Variants in NHSL1 observed in about 807,000 individuals in gnomAD.
The protein encoded by NHSL1 is NHS like 1.
A neutral mutation model predicts 95.0 loss-of-function variants in NHSL1; 48 were observed. That is an observed-to-expected ratio of 0.51 (90% CI 0.40 to 0.64). The LOEUF (loss-of-function observed/expected upper bound fraction) is 0.64. Ranked by LOEUF, NHSL1 falls within the 30% of genes least tolerant of loss-of-function variation. The pLI, the probability that NHSL1 is intolerant of heterozygous loss-of-function variation, is 0.00. For missense variants in NHSL1, 1,971 were observed against 2,077.7 expected, an observed-to-expected ratio of 0.95 and a Z score of 1.00; for synonymous variants, 783 against 833.9, an observed-to-expected ratio of 0.94 and a Z score of 1.05.
chr6:138,492,272 G>C (rs189715754), intron 2 of NHSL1, among the ~76,000 whole-genome samples: 1 of 152,246 alleles, frequency 6.6e-6, no homozygotes, highest in East Asian at 1.9e-4. Flanking sequence ...GCTTTTCTTT[G>C]TTCTCTGACT....
chr6:138,572,250 T>C (rs1783866981), exon 1 of NHSL1: 1 of 195,412 alleles, frequency 5.1e-6, no homozygotes, highest in Admixed American at 5.7e-5. Context: ...TTGTCAGGAC[T>C]TTGCAAAACA....
At chr6:138,481,958 C>T (rs1027075595) in intron 2 of NHSL1, among the ~76,000 whole-genome samples, 2 of 152,126 alleles carry the variant, frequency 1.3e-5, no homozygotes, top group South Asian at 2.1e-4. Flanking sequence ...CCAAGACTTT[C>T]TAAAAGTTCT....
At chr6:138,659,721 GT>G (rs35077038) in intron 1 of NHSL1, among the ~76,000 whole-genome samples, 44,676 of 128,040 alleles carry the variant, frequency 0.35, 5,441 homozygotes, top group East Asian at 0.47. Flanking sequence ...TTTTTTTTTT[GT>G]TTTTTTTTTT....
At chr6:138,626,835 A>C (rs1347782250) in intron 1 of NHSL1, among the ~76,000 whole-genome samples, 1 of 103,842 alleles carries the variant, frequency 9.6e-6, no homozygotes. Flanking sequence ...CGGAGCTTGC[A>C]GTGAGCCGAG....
At chr6:138,440,290 GAA>G (rs1776444868) in intron 5 of NHSL1, among the ~76,000 whole-genome samples, 1 of 152,118 alleles carries the variant, frequency 6.6e-6, no homozygotes, top group Non-Finnish European at 1.5e-5. Flanking sequence ...TTCAAGAATG[GAA>G]AAAAGAGTCT....
chr6:138,621,497 T>C (rs1295897845), intron 1 of NHSL1, among the ~76,000 whole-genome samples: 1 of 151,860 alleles, frequency 6.6e-6, no homozygotes, highest in African/African-American at 2.4e-5. Context: ...CCCCAAGATG[T>C]AGCCTTGCTC....
Position 138,430,897 on chromosome 6 carries a change from G to A in NHSL1, c.3448C>T (p.His1150Tyr), listed in dbSNP as rs1192803354. The change falls in exon 6 of 8, where the codon CAT (histidine) becomes TAT (tyrosine). Residue 1150 changes from histidine (H) to tyrosine (Y), a missense_variant. Coordinates refer to ENST00000343505, the MANE Select transcript of NHSL1 (RefSeq NM_001144060.2). The surrounding 1 kb of genome is among the most constrained non-coding windows in gnomAD (Gnocchi z 4.7). Reference sequence around the variant, plus strand: ...CCACCACGCTCAGCCGCACTGCCATGGTCACCCTGACTCGAGCTCTTGGCA... The same window carrying A: ...CCACCACGCTCAGCCGCACTGCCATAGTCACCCTGACTCGAGCTCTTGGCA... ...TPAKSSSQGD[H>Y]GSAAERGGPV... The A allele has an allele frequency of 1.3e-6, 2 of 1,551,370 alleles. No individual in the cohort carries two copies. The highest frequency in any genetic ancestry group is 1.4e-5 in the African/African-American group (1 of 73,026).
chr6:138,436,629 A>G (rs1315592141), intron 5 of NHSL1, among the ~76,000 whole-genome samples: 1 of 152,266 alleles, frequency 6.6e-6, no homozygotes, highest in Non-Finnish European at 1.5e-5. Context: ...GCTATACTCG[A>G]CAACAGGTTT....
intron 1 of NHSL1, among the ~76,000 whole-genome samples, chr6:138,603,180 C>G (rs1266709845): frequency 6.6e-6 from 1 of 151,962 alleles, no homozygotes; most frequent in Non-Finnish European, 1.5e-5. Flanking sequence ...TTATTTATAC[C>G]ATTTGAGGAT....
intron 1 of NHSL1, among the ~76,000 whole-genome samples, chr6:138,524,686 T>C (rs991416654): frequency 6.6e-6 from 1 of 152,146 alleles, no homozygotes; most frequent in Non-Finnish European, 1.5e-5. Flanking sequence ...TATCTCGTTA[T>C]GGTGGGTATA....
chr6:138,461,155 G>GTT (rs140345011), intron 3 of NHSL1, among the ~76,000 whole-genome samples: 3 of 150,398 alleles, frequency 2.0e-5, no homozygotes, highest in Admixed American at 6.6e-5. Flanking sequence ...AAAGAAGGAA[G>GTT]TTTTTTTTTT....
chr6:138,627,862 C>A (rs919804142), intron 1 of NHSL1, among the ~76,000 whole-genome samples: 1 of 151,818 alleles, frequency 6.6e-6, no homozygotes, highest in Non-Finnish European at 1.5e-5. Flanking sequence ...GCCTGGGCGA[C>A]AGAACAAGAC....
chr6:138,619,515 G>A (rs762200174), intron 1 of NHSL1, among the ~76,000 whole-genome samples: 4 of 152,090 alleles, frequency 2.6e-5, no homozygotes, highest in Non-Finnish European at 4.4e-5. Flanking sequence ...GTTACTTTTC[G>A]TACCTACTAT....
At position 138,432,078 on chromosome 6, in the gene NHSL1, A is replaced by G. The variant is rs1192994725; in HGVS notation, c.2267T>C (p.Val756Ala). The change falls in exon 6 of 8, where the codon GTC (valine) becomes GCC (alanine). Residue 756 changes from valine (V) to alanine (A), a missense_variant. Physicochemically the swap from Val to Ala is moderately conservative, Grantham distance 64 (BLOSUM62 0). Transcript: ENST00000343505. The surrounding 1 kb of genome is among the most constrained non-coding windows in gnomAD (Gnocchi z 4.4). ...TGGCGTGGCCCCGCACAGGGAGTAG[A>G]CATTGGGGGTGGTGGCGGAAGTCAT... ...SSMTSATTPN[V>A]YSLCGATPSQ... 11 of 1,551,564 alleles carry G rather than the reference A, an allele frequency of 7.1e-6. No homozygotes were observed. The highest frequency in any genetic ancestry group is 1.4e-5 in the African/African-American group (1 of 73,046).
intron 1 of NHSL1, among the ~76,000 whole-genome samples, chr6:138,599,568 A>G (rs1784346275): frequency 6.6e-6 from 1 of 152,194 alleles, no homozygotes. Context: ...TATATAACAT[A>G]TGCAGAAATA....
At chr6:138,531,533 T>C (rs76163511) in intron 1 of NHSL1, among the ~76,000 whole-genome samples, 1 of 151,932 alleles carries the variant, frequency 6.6e-6, no homozygotes, top group South Asian at 2.1e-4. Context: ...TTTTTTTTTT[T>C]CCTGAAACAG....
At chr6:138,572,010 CCT>C in exon 1 of NHSL1, 1 of 915,542 alleles carries the variant, frequency 1.1e-6, no homozygotes, top group African/African-American at 1.7e-5. Flanking sequence ...CTGCTGTTTC[CCT>C]CTTAGACAAC....
rs1775678654 is a variant in NHSL1 at position 138,431,647 on chromosome 6, A to T, written c.2698T>A (p.Ser900Thr). The T allele has an allele frequency of 6.4e-7, 1 of 1,551,672 alleles. No individual in the cohort carries two copies. The highest frequency in any genetic ancestry group is 2.4e-5 in the East Asian group (1 of 40,924). ...SSLISSVSIS[S>T]SSTSLSSSTS... ...CTAGAAGAAAGAGAAGTGGACGATG[A>T]GGAAATGGATACTGAAGATATCAGA... Residue 900 changes from serine to threonine, a missense_variant, in exon 6 of 8, where the codon TCA becomes ACA. By Grantham distance (58) the Ser-to-Thr change is moderately conservative. Transcript: ENST00000343505. This position sits in a 1 kb window ranked among gnomAD's most constrained non-coding sequence, Gnocchi z 4.0.
intron 1 of NHSL1, among the ~76,000 whole-genome samples, chr6:138,513,438 C>T (rs1004873426): frequency 1.3e-5 from 2 of 152,038 alleles, no homozygotes; most frequent in African/African-American, 4.8e-5. Flanking sequence ...GTGCAGATCC[C>T]AGTTCACCAC....
Sources: allele counts gnomAD v4.1 joint callset (sites outside exome capture counted in the v4.1 genomes callset), GRCh38; gene constraint gnomAD v4.1.1; non-coding constraint Gnocchi (gnomAD v3.1); transcripts MANE v1.5; gene names NCBI Gene and HGNC (gene_info 2026-07-23, HGNC 2026-07-21).